The following CACNA1C variants were observed in gnomAD, a reference collection of about 807,000 sequenced individuals.
The protein encoded by CACNA1C is voltage-dependent L-type calcium channel subunit alpha-1C.
A neutral mutation model predicts 229.0 loss-of-function variants in CACNA1C; 30 were observed. The ratio of observed to expected loss-of-function variants is 0.13; its 90% confidence interval spans 0.10 to 0.18. CACNA1C has a LOEUF of 0.18. Among genes scored for constraint, CACNA1C ranks in the 10% least tolerant of loss-of-function variants. The pLI is 1.00. For missense variants in CACNA1C, 1,658 were observed against 2,845.0 expected (o/e 0.58, Z 9.49); for synonymous variants, 1,114 against 1,132.5 (o/e 0.98, Z 0.33).
chr12:2,024,595 GC>G (rs2046995118), intron 1 of CACNA1C, among the ~76,000 whole-genome samples: 1 of 152,158 alleles, frequency 6.6e-6, no homozygotes, highest in African/African-American at 2.4e-5. Flanking sequence ...TTCCCTCTCA[GC>G]CCAACAACCA....
chr12:2,669,251 G>A (rs2096416378), intron 38 of CACNA1C, among the ~76,000 whole-genome samples: 1 of 152,162 alleles, frequency 6.6e-6, no homozygotes, highest in South Asian at 2.1e-4. Flanking sequence ...CTAGCTCAGG[G>A]GTTTCCAATC....
At chr12:2,674,190 G>A (rs2096685785) in intron 38 of CACNA1C, among the ~76,000 whole-genome samples, 1 of 152,250 alleles carries the variant, frequency 6.6e-6, no homozygotes, top group Non-Finnish European at 1.5e-5. Flanking sequence ...GTGAGCGCAT[G>A]GCCGCCATTG....
At chr12:2,172,969 T>A (rs2096540932) in intron 3 of CACNA1C, among the ~76,000 whole-genome samples, 1 of 151,988 alleles carries the variant, frequency 6.6e-6, no homozygotes, top group Admixed American at 6.6e-5. Context: ...AAGGACTGAG[T>A]TCTGAATGGC....
intron 3 of CACNA1C, among the ~76,000 whole-genome samples, chr12:2,206,483 G>C (rs1339595349): frequency 1.3e-5 from 2 of 152,158 alleles, no homozygotes; most frequent in South Asian, 2.1e-4. Context: ...TTTTGGCCAA[G>C]TCACTTATCC....
intron 9 of CACNA1C, among the ~76,000 whole-genome samples, chr12:2,522,025 C>T (rs986755912): frequency 6.6e-5 from 10 of 152,236 alleles, no homozygotes; most frequent in South Asian, 2.1e-4. Flanking sequence ...TTTCCAGAAA[C>T]GCCTGCTGCT....
At chr12:2,571,466 T>C (rs941626480) in intron 13 of CACNA1C, among the ~76,000 whole-genome samples, 1 of 152,246 alleles carries the variant, frequency 6.6e-6, no homozygotes, top group African/African-American at 2.4e-5. Context: ...TGGGCTTTTA[T>C]GTATATATTT....
intron 3 of CACNA1C, among the ~76,000 whole-genome samples, chr12:2,282,626 T>A (rs2091651518): frequency 6.6e-6 from 1 of 152,148 alleles, no homozygotes; most frequent in Non-Finnish European, 1.5e-5. Flanking sequence ...GAATGAGTGG[T>A]CAGGTACAGC....
intron 3 of CACNA1C, among the ~76,000 whole-genome samples, chr12:2,135,530 G>C (rs555555418): frequency 4.5e-5 from 6 of 132,034 alleles, no homozygotes; most frequent in Admixed American, 2.2e-4. Flanking sequence ...CTAACAGACA[G>C]GACCCTCAGC....
At chr12:2,271,092 G>A (rs147798197) in intron 3 of CACNA1C, among the ~76,000 whole-genome samples, 122 of 152,210 alleles carry the variant, frequency 8.0e-4, no homozygotes, top group Middle Eastern at 3.4e-3. Context: ...TCCTGGGCCC[G>A]ATAGGCTCTG....
At chr12:2,408,723 C>T (rs1188797541) in intron 3 of CACNA1C, among the ~76,000 whole-genome samples, 1 of 152,138 alleles carries the variant, frequency 6.6e-6, no homozygotes, top group African/African-American at 2.4e-5. Context: ...AGTCTCCAGG[C>T]CACTTTATGT....
rs182024760 is a variant in CACNA1C at position 2,285,884 on chromosome 12, T to C, written c.478-163092T>C. Among the ~76,000 whole-genome samples the C allele has an allele frequency of 7.2e-5, 11 of 152,344 alleles. No homozygotes were observed. Among genetic ancestry groups the C allele is most frequent in the Non-Finnish European group, 2.9e-5 (2 of 68,028 alleles). ...ATGGTAAAGTTCAGCCGTTTTCCAC[T>C]GAAGATAGGGATTCTTCAAACTGCA... On this transcript the variant is annotated intron_variant, in intron 3 of 46. Transcript: ENST00000399655. This position sits in a 1 kb window ranked among gnomAD's most constrained non-coding sequence, Gnocchi z 4.2.
At chr12:2,277,362 GACACACACACAC>G (rs59258094) in intron 3 of CACNA1C, among the ~76,000 whole-genome samples, 3,916 of 71,392 alleles carry the variant, frequency 0.055, 63 homozygotes, top group East Asian at 0.089. Context: ...CAGACAGACA[GACACACACACAC>G]ACACACACAC....
intron 1 of CACNA1C, among the ~76,000 whole-genome samples, chr12:2,096,248 T>C (rs995058981): frequency 6.6e-6 from 1 of 152,258 alleles, no homozygotes; most frequent in Admixed American, 6.5e-5. Flanking sequence ...TGAAGGCATG[T>C]TTGTGCATGT....
Position 2,294,335 on chromosome 12 carries a change from C to T in CACNA1C, c.478-154641C>T, listed in dbSNP as rs534891152. ...TGGCCCATAGCATGAGGCACGGGTA[C>T]GGTTGTGCTTGGGGAGCCCTGAAGA... On this transcript the variant is annotated intron_variant, in intron 3 of 46. Coordinates refer to ENST00000399655, the MANE Select transcript of CACNA1C (RefSeq NM_000719.7). Among the ~76,000 whole-genome samples the T allele has an allele frequency of 9.9e-5, 15 of 151,572 alleles. No homozygotes were observed. In the East Asian group the frequency reaches 2.2e-3, roughly 22 times the overall value.
chr12:2,391,543 T>A (rs1027442502), intron 3 of CACNA1C, among the ~76,000 whole-genome samples: 1 of 143,174 alleles, frequency 7.0e-6, no homozygotes, highest in African/African-American at 2.4e-5. Context: ...AAGCTGGGAA[T>A]GCTGGATGAG....
At chr12:2,167,874 A>G (rs186458075) in intron 3 of CACNA1C, among the ~76,000 whole-genome samples, 1,601 of 152,230 alleles carry the variant, frequency 0.011, 28 homozygotes, top group African/African-American at 0.036. Context: ...AACTCATCCA[A>G]TGCTCCCTTC....
intron 3 of CACNA1C, among the ~76,000 whole-genome samples, chr12:2,416,253 T>G (rs1233432870): frequency 6.6e-6 from 1 of 152,192 alleles, no homozygotes; most frequent in Non-Finnish European, 1.5e-5. Flanking sequence ...GCTCGCTTTC[T>G]CTTTCTTCTC....
rs1380271697 is a variant in CACNA1C, at chr12:2,630,828, A to AG, written c.3829-3468dup. On this transcript the variant is annotated intron_variant, in intron 29 of 46. Transcript: ENST00000399655. This position sits in a 1 kb window ranked among gnomAD's most constrained non-coding sequence, Gnocchi z 5.4. ...CAGATGTCAGTCTAAAGCCTGGAGT[A>AG]GCACAGCCTGCTGAGGACAAGTGTG... Among the ~76,000 whole-genome samples the AG allele has an allele frequency of 1.3e-5, 2 of 152,190 alleles. No individual in the cohort carries two copies. The highest frequency in any genetic ancestry group is 2.4e-5 in the African/African-American group (1 of 41,450).
At chr12:2,588,569 C>T (rs756068911) in intron 18 of CACNA1C, among the ~76,000 whole-genome samples, 1 of 152,186 alleles carries the variant, frequency 6.6e-6, no homozygotes, top group Admixed American at 6.5e-5. Flanking sequence ...CAATTACCCT[C>T]GCATGACCGC....
Sources: allele counts gnomAD v4.1 joint callset (sites outside exome capture counted in the v4.1 genomes callset), GRCh38; gene constraint gnomAD v4.1.1; non-coding constraint Gnocchi (gnomAD v3.1); transcripts MANE v1.5; gene names NCBI Gene and HGNC (gene_info 2026-07-23, HGNC 2026-07-21).